The following HTT variants were observed in gnomAD, a reference collection of about 807,000 sequenced individuals.
The protein encoded by HTT is huntington disease protein.
In HTT, 104 loss-of-function variants were observed where a neutral mutation model predicts 362.3. The ratio of observed to expected loss-of-function variants is 0.29; its 90% confidence interval spans 0.24 to 0.34. The LOEUF (loss-of-function observed/expected upper bound fraction) is 0.34. Among genes scored for constraint, HTT ranks in the 10% least tolerant of loss-of-function variants. The pLI is 1.00. For synonymous variants in HTT, 1,577 were observed against 1,548.7 expected (o/e 1.02, Z -0.43); for missense variants, 3,301 against 3,928.6 (o/e 0.84, Z 4.27).
At chr4:3,083,024 C>T (rs989721550) in intron 1 of HTT, among the ~76,000 whole-genome samples, 2 of 151,996 alleles carry the variant, frequency 1.3e-5, no homozygotes, top group Admixed American at 6.6e-5. Context: ...ATGTGTATAG[C>T]GGGAGAAGAG....
chr4:3,123,546 CGCATGTGG>C (rs1385759408), intron 10 of HTT: 7 of 152,190 alleles, frequency 4.6e-5, no homozygotes, highest in Non-Finnish European at 8.8e-5. Context: ...AAAACAGCCA[CGCATGTGG>C]CATGTGCCTG....
At chr4:3,227,207 C>T (rs190082652) in intron 57 of HTT, among the ~76,000 whole-genome samples, 3 of 152,342 alleles carry the variant, frequency 2.0e-5, no homozygotes, top group East Asian at 1.9e-4. Context: ...GGCTGAAGTA[C>T]GGTCCCACCC....
intron 26 of HTT, among the ~76,000 whole-genome samples, chr4:3,150,871 C>T (rs568021749): frequency 6.4e-4 from 98 of 152,194 alleles, no homozygotes; most frequent in African/African-American, 2.2e-3. Context: ...CCCGTCTCTA[C>T]TAAAAATACA....
Position 3,074,875 on chromosome 4 carries a change from TCCAGCAGCAGCA to T in HTT, c.51_62del (p.Phe17_Gln21delinsLeu), listed in dbSNP as rs1712383448. On this transcript the variant is annotated inframe_deletion, in exon 1 of 67. Transcript: ENST00000355072. ...AAGGCCTTCGAGTCCCTCAAGTCCT[TCCAGCAGCAGCA>T]GCAGCAGCAGCAGCAGCAGCAGCAG... The T allele has an allele frequency of 1.6e-6, 2 of 1,287,822 alleles. No individual in the cohort carries two copies. Among genetic ancestry groups the T allele is most frequent in the South Asian group, 1.3e-5 (1 of 74,250 alleles). The allele number at this position is 1,287,822 out of a possible 1,614,324, so 79.8% of individuals were successfully genotyped here. A position where few individuals can be genotyped will look rare whatever the true frequency, so the allele number is the denominator to read the frequency against.
At chr4:3,127,640 A>G in intron 12 of HTT, 36 bp downstream of exon 12, 1 of 1,465,000 alleles carries the variant, frequency 6.8e-7, no homozygotes, top group Non-Finnish European at 9.4e-7. Flanking sequence ...CTTTTTTTTT[A>G]TTTTTTATTT....
At chr4:3,171,934 T>G (rs1329113846) in intron 29 of HTT, among the ~76,000 whole-genome samples, 5 of 152,220 alleles carry the variant, frequency 3.3e-5, no homozygotes, top group Admixed American at 3.3e-4. Flanking sequence ...AATCACACAT[T>G]GCTGTATCAT....
At chr4:3,176,855 A>C (rs1315272674) in intron 33 of HTT, among the ~76,000 whole-genome samples, 1 of 152,204 alleles carries the variant, frequency 6.6e-6, no homozygotes, top group East Asian at 1.9e-4. Context: ...TTATCCATGG[A>C]AGCTCCCCGT....
At chr4:3,233,127 G>C in intron 60 of HTT, 36 bp from the exon 61 acceptor site, 1 of 1,541,690 alleles carries the variant, frequency 6.5e-7, no homozygotes, top group Non-Finnish European at 8.8e-7. Context: ...CGTGAGCTCT[G>C]GTGGCATGCA....
chr4:3,149,053 T>C (rs536376049), intron 26 of HTT, among the ~76,000 whole-genome samples: 32 of 152,316 alleles, frequency 2.1e-4, no homozygotes, highest in African/African-American at 7.0e-4. Flanking sequence ...TAGTTTTAGG[T>C]TTCCAGCATT....
intron 2 of HTT, among the ~76,000 whole-genome samples, chr4:3,088,866 A>G (rs1713354095): frequency 6.6e-6 from 1 of 152,190 alleles, no homozygotes; most frequent in Non-Finnish European, 1.5e-5. Flanking sequence ...AATACTGTGT[A>G]TGATTCTGTT....
chr4:3,229,573 T>C (rs557593237), intron 59 of HTT, among the ~76,000 whole-genome samples: 2 of 147,446 alleles, frequency 1.4e-5, no homozygotes, highest in Admixed American at 6.7e-5. Flanking sequence ...ATGCCACATG[T>C]ACACACATGT....
chr4:3,184,033 G>A (rs766622353), intron 37 of HTT, among the ~76,000 whole-genome samples: 8 of 151,990 alleles, frequency 5.3e-5, no homozygotes, highest in Non-Finnish European at 1.0e-4. Context: ...AAAAGCAAGT[G>A]AGTGAAGTCT....
chr4:3,101,462 C>T (rs889442190), intron 3 of HTT, among the ~76,000 whole-genome samples: 2 of 152,348 alleles, frequency 1.3e-5, no homozygotes, highest in Middle Eastern at 6.8e-3. Context: ...GCAGCGGGAT[C>T]AGGATCTGGC....
At chr4:3,160,933 T>C (rs1278939631) in intron 29 of HTT, among the ~76,000 whole-genome samples, 1 of 152,176 alleles carries the variant, frequency 6.6e-6, no homozygotes, top group Non-Finnish European at 1.5e-5. Flanking sequence ...GTTTATTTAT[T>C]TATTATACTT....
intron 21 of HTT, among the ~76,000 whole-genome samples, chr4:3,139,004 C>T (rs1716213939): frequency 6.6e-6 from 1 of 152,092 alleles, no homozygotes; most frequent in African/African-American, 2.4e-5. Flanking sequence ...ACGAAATAAT[C>T]TTTGTAATCA....
At chr4:3,200,342 C>T (rs974178638) in intron 41 of HTT, among the ~76,000 whole-genome samples, 7 of 152,158 alleles carry the variant, frequency 4.6e-5, no homozygotes, top group African/African-American at 1.7e-4. Context: ...AATGAAGTAA[C>T]AGTGTAGCAA....
intron 1 of HTT, among the ~76,000 whole-genome samples, chr4:3,078,360 A>G (rs775769196): frequency 9.9e-5 from 15 of 152,246 alleles, no homozygotes; most frequent in Non-Finnish European, 2.1e-4. Context: ...GACAGTAAGC[A>G]AGATAGATAA....
intron 1 of HTT, among the ~76,000 whole-genome samples, chr4:3,078,554 TTTTTA>T (rs1712688716): frequency 2.0e-5 from 3 of 152,176 alleles, no homozygotes; most frequent in African/African-American, 7.2e-5. Flanking sequence ...AGTGTTGACA[TTTTTA>T]TTTTATTTTG....
intron 33 of HTT, among the ~76,000 whole-genome samples, chr4:3,176,090 C>T (rs979628922): frequency 6.8e-6 from 1 of 146,720 alleles, no homozygotes; most frequent in African/African-American, 2.6e-5. Flanking sequence ...TGCAGGGGTG[C>T]GATCTCGGCT....
Sources: gnomAD v4.1 joint callset for allele counts (sites outside exome capture counted in the v4.1 genomes callset) on GRCh38, gnomAD v4.1.1 for gene constraint, MANE v1.5 for transcripts, NCBI Gene and HGNC (gene_info 2026-07-23, HGNC 2026-07-21) for gene names.